TSC22D1: variants seen among roughly 807,000 people sequenced by gnomAD.
TSC22D1 encodes the protein TSC22 domain family member 1.
TSC22D1 carries 9 observed loss-of-function variants against 74.2 expected under a neutral mutation model. That is an observed-to-expected ratio of 0.12 (90% CI 0.07 to 0.21). TSC22D1 has a LOEUF of 0.21. Ranked by LOEUF, TSC22D1 falls within the 10% of genes least tolerant of loss-of-function variation. TSC22D1 has a pLI of 1.00. For synonymous variants in TSC22D1, 586 were observed against 492.5 expected (o/e 1.19, Z -2.51); for missense variants, 1,427 against 1,304.7 (o/e 1.09, Z -1.44).
chr13:44,555,683 C>G (rs1011926930), intron 1 of TSC22D1, among the ~76,000 whole-genome samples: 7 of 151,830 alleles, frequency 4.6e-5, no homozygotes, highest in Non-Finnish European at 8.8e-5. Flanking sequence ...AACATTTTAG[C>G]CATTGATGTT....
In TSC22D1 at chr13:44,575,005, C is replaced by A; in HGVS notation, c.1070G>T (p.Ser357Ile). Reference sequence around the variant, plus strand: ...ACTCAAGATATTCACATTAACACCACTGGTAACTCCAGGCCCAACACTCAC... The same window carrying A: ...ACTCAAGATATTCACATTAACACCAATGGTAACTCCAGGCCCAACACTCAC... The part of the protein sequence containing the change: ...AGVSVGPGVT[S>I]GVNVNILSGM... The change falls in exon 1 of 3, where the codon AGT becomes ATT. Residue 357 changes from serine to isoleucine, a missense_variant. Ser to Ile is a moderately radical substitution (Grantham distance 142). Around this residue, in one of 3 missense-constraint regions of TSC22D1, gnomAD observed 1,343 missense variants for 1,191.5 expected, o/e 1.13. Transcript: ENST00000458659. 1 of 1,614,118 alleles carries A rather than the reference C, an allele frequency of 6.2e-7. No homozygotes were observed. The highest frequency in any genetic ancestry group is 8.5e-7 in the Non-Finnish European group (1 of 1,180,030).
chr13:44,465,976 G>GA (rs1255591060), intron 1 of TSC22D1, among the ~76,000 whole-genome samples: 1 of 59,072 alleles, frequency 1.7e-5, no homozygotes, highest in Non-Finnish European at 3.3e-5. Flanking sequence ...TCTGCCTCAA[G>GA]AAAAAACAAA....
chr13:44,540,091 C>T, intron 1 of TSC22D1: 2 of 400,182 alleles, frequency 5.0e-6, no homozygotes, highest in East Asian at 1.4e-4. Flanking sequence ...TCTGTCACCA[C>T]AAATGATTAA....
chr13:44,465,987 C>CAAAT, intron 1 of TSC22D1, among the ~76,000 whole-genome samples: 1 of 151,948 alleles, frequency 6.6e-6, no homozygotes, highest in African/African-American at 2.4e-5. Flanking sequence ...AAAAAACAAA[C>CAAAT]AAACAAACAA....
At chr13:44,485,927 G>T (rs1285288428) in intron 1 of TSC22D1, among the ~76,000 whole-genome samples, 1 of 151,962 alleles carries the variant, frequency 6.6e-6, no homozygotes. Flanking sequence ...TTTCAAGGGG[G>T]ATGGGTTTTT....
intron 1 of TSC22D1, among the ~76,000 whole-genome samples, chr13:44,496,322 G>C (rs1171501311): frequency 6.6e-6 from 1 of 152,046 alleles, no homozygotes; most frequent in African/African-American, 2.4e-5. Context: ...CTATTGCTTA[G>C]GCCAGGAGTT....
At chr13:44,458,239 T>A (rs1876784096) in intron 1 of TSC22D1, among the ~76,000 whole-genome samples, 1 of 152,234 alleles carries the variant, frequency 6.6e-6, no homozygotes, top group South Asian at 2.1e-4. Context: ...TTTGAAAGCA[T>A]CTATGATGTT....
intron 1 of TSC22D1, among the ~76,000 whole-genome samples, chr13:44,443,511 TG>T (rs1875374755): frequency 6.6e-6 from 1 of 152,110 alleles, no homozygotes; most frequent in Non-Finnish European, 1.5e-5. Context: ...TGATAACTAA[TG>T]GTTAAATACA....
At chr13:44,517,827 G>GTACATATA (rs1278120734) in intron 1 of TSC22D1, among the ~76,000 whole-genome samples, 1 of 24,628 alleles carries the variant, frequency 4.1e-5, no homozygotes, top group African/African-American at 1.2e-4. Context: ...GTGTGTGTGT[G>GTACATATA]TGTATATATA....
chr13:44,491,355 C>T (rs1878707477), intron 1 of TSC22D1, among the ~76,000 whole-genome samples: 1 of 151,940 alleles, frequency 6.6e-6, no homozygotes, highest in Non-Finnish European at 1.5e-5. Flanking sequence ...AGATCGAGAC[C>T]ATCCTGGCTA....
intron 1 of TSC22D1, among the ~76,000 whole-genome samples, chr13:44,570,504 C>G (rs1056885310): frequency 2.0e-5 from 3 of 152,020 alleles, no homozygotes; most frequent in Non-Finnish European, 4.4e-5. Context: ...ACATTAAGAC[C>G]TTTTAAATAA....
chr13:44,447,833 CTTTTTTTTT>C (rs5803260), intron 1 of TSC22D1, among the ~76,000 whole-genome samples: 1 of 129,470 alleles, frequency 7.7e-6, no homozygotes, highest in Non-Finnish European at 1.6e-5. Context: ...AATGCCTTTT[CTTTTTTTTT>C]TTTTTTTTTT....
chr13:44,469,167 G>A (rs757129378), intron 1 of TSC22D1, among the ~76,000 whole-genome samples: 1 of 151,790 alleles, frequency 6.6e-6, no homozygotes, highest in Non-Finnish European at 1.5e-5. Flanking sequence ...ATGATTACAG[G>A]GTACCTACAG....
intron 1 of TSC22D1, among the ~76,000 whole-genome samples, chr13:44,483,379 G>A (rs530164579): frequency 3.2e-4 from 49 of 152,230 alleles, no homozygotes; most frequent in Non-Finnish European, 2.1e-4. Flanking sequence ...CAAGAATTAT[G>A]GGCCGGGTGC....
intron 1 of TSC22D1, among the ~76,000 whole-genome samples, chr13:44,490,146 A>G (rs1595113641): frequency 6.6e-6 from 1 of 152,248 alleles, no homozygotes; most frequent in East Asian, 1.9e-4. Flanking sequence ...GTATATATCT[A>G]TGAAAATGAA....
intron 1 of TSC22D1, among the ~76,000 whole-genome samples, chr13:44,522,813 T>C (rs1277517314): frequency 2.6e-5 from 4 of 151,342 alleles, no homozygotes; most frequent in African/African-American, 4.9e-5. Context: ...AAAGAAAAAA[T>C]TGATAAGGTA....
At chr13:44,498,096 A>C (rs1310464517) in intron 1 of TSC22D1, among the ~76,000 whole-genome samples, 3 of 149,488 alleles carry the variant, frequency 2.0e-5, no homozygotes, top group Non-Finnish European at 4.5e-5. Context: ...ACCAAAAAAA[A>C]AACCAAAAAA....
chr13:44,514,263 G>GA (rs1879866446), intron 1 of TSC22D1, among the ~76,000 whole-genome samples: 1 of 151,596 alleles, frequency 6.6e-6, no homozygotes, highest in African/African-American at 2.4e-5. Context: ...GAAAAAAAAA[G>GA]AATCAATAAA....
intron 1 of TSC22D1, among the ~76,000 whole-genome samples, chr13:44,568,869 A>G (rs1484896480): frequency 6.6e-6 from 1 of 152,190 alleles, no homozygotes; most frequent in Non-Finnish European, 1.5e-5. Flanking sequence ...ACAGGTGGGG[A>G]TGGAGCAGGG....
Sources: gnomAD v4.1 joint callset for allele counts (sites outside exome capture counted in the v4.1 genomes callset) on GRCh38, gnomAD v4.1.1 for gene constraint, gnomAD v4.1.1 regional missense constraint, MANE v1.5 for transcripts, NCBI Gene and HGNC (gene_info 2026-07-23, HGNC 2026-07-21) for gene names.